Variants in IQGAP2 observed in about 807,000 individuals in gnomAD.
The protein encoded by IQGAP2 is ras GTPase-activating-like protein IQGAP2.
Under a neutral mutation model 201.3 loss-of-function variants are expected in IQGAP2, and 173 were observed. The observed-to-expected ratio is 0.86, with a 90% CI of 0.76 to 0.98. IQGAP2 has a LOEUF of 0.98. Ranked by LOEUF, IQGAP2 falls within the 50% of genes least tolerant of loss-of-function variation. The probability of loss-of-function intolerance (pLI) is 0.00; values close to 1 mark genes in which losing one functional copy is unlikely to be tolerated. For synonymous variants in IQGAP2, 675 were observed against 673.9 expected, an observed-to-expected ratio of 1.00 and a Z score of -0.03; for missense variants, 1,687 against 1,864.8, an observed-to-expected ratio of 0.90 and a Z score of 1.76.
chr5:76,443,994 AT>A (rs1327834597), intron 1 of IQGAP2, among the ~76,000 whole-genome samples: 1 of 152,224 alleles, frequency 6.6e-6, no homozygotes, highest in Non-Finnish European at 1.5e-5. Context: ...CGTCTACCAA[AT>A]TAGAGTGATC....
chr5:76,676,156 CTT>C (rs1165775232), intron 27 of IQGAP2, among the ~76,000 whole-genome samples: 1 of 151,566 alleles, frequency 6.6e-6, no homozygotes, highest in East Asian at 1.9e-4. Flanking sequence ...TTCTCATGAA[CTT>C]TTAACTGCTG....
chr5:76,597,255 A>G lies in IQGAP2; in HGVS notation c.908-184A>G, dbSNP rs368701351. On this transcript the variant is annotated intron_variant, in intron 9 of 35. Transcript: ENST00000274364. ...AGGTTCTTGTAGGCACTAATTCCAAAGATTGGATTAGTTTGAATTACTGAG... is the reference window on the plus strand; with the variant it reads ...AGGTTCTTGTAGGCACTAATTCCAAGGATTGGATTAGTTTGAATTACTGAG... 2.6e-4 allele frequency: 156 copies of G among 604,204 alleles called. No individual in the cohort carries two copies. The African/African-American group carries it at 2.7e-3, about 10-fold the overall frequency. 37.4% of individuals were successfully genotyped at this position (604,204 alleles called of 1,614,324 possible).
At chr5:76,599,675 G>A (rs535556473) in intron 10 of IQGAP2, among the ~76,000 whole-genome samples, 48 of 152,032 alleles carry the variant, frequency 3.2e-4, no homozygotes, top group Admixed American at 5.9e-4. Context: ...TTTTTATTCT[G>A]AAATCAGTTT....
At chr5:76,408,139 C>T (rs1479308955) in intron 1 of IQGAP2, among the ~76,000 whole-genome samples, 7 of 151,280 alleles carry the variant, frequency 4.6e-5, no homozygotes, top group Admixed American at 3.3e-4. Flanking sequence ...CCAGCCTGGG[C>T]GAAAGAGCGA....
intron 9 of IQGAP2, among the ~76,000 whole-genome samples, chr5:76,595,243 C>CTTTTTTTT (rs1180358517): frequency 8.5e-5 from 3 of 35,310 alleles, no homozygotes; most frequent in Admixed American, 3.3e-4. Context: ...CATTTCTTTG[C>CTTTTTTTT]TTTTTTTTTT....
intron 2 of IQGAP2, among the ~76,000 whole-genome samples, chr5:76,484,308 C>G (rs531937096): frequency 3.7e-4 from 57 of 152,274 alleles, no homozygotes; most frequent in African/African-American, 1.3e-3. Flanking sequence ...AAGGAATAAC[C>G]TAGTCCAGCT....
At chr5:76,417,643 C>T (rs975596571) in intron 1 of IQGAP2, among the ~76,000 whole-genome samples, 5 of 151,700 alleles carry the variant, frequency 3.3e-5, no homozygotes, top group Non-Finnish European at 5.9e-5. Flanking sequence ...TTCAGTGGTG[C>T]GATCTTGGCT....
At chr5:76,441,190 GTTAA>G (rs1580196710) in intron 1 of IQGAP2, among the ~76,000 whole-genome samples, 2 of 152,304 alleles carry the variant, frequency 1.3e-5, no homozygotes, top group South Asian at 2.1e-4. Context: ...TTTGTGAGGA[GTTAA>G]TTAGTTAATT....
intron 16 of IQGAP2, among the ~76,000 whole-genome samples, chr5:76,639,441 AG>A (rs1475436536): frequency 2.6e-5 from 4 of 152,212 alleles, no homozygotes; most frequent in African/African-American, 9.6e-5. Context: ...TTAAAAAGTG[AG>A]TAATGCTTCC....
intron 1 of IQGAP2, among the ~76,000 whole-genome samples, chr5:76,407,618 T>A (rs1295332142): frequency 6.6e-6 from 1 of 152,194 alleles, no homozygotes; most frequent in Non-Finnish European, 1.5e-5. Flanking sequence ...TTCAAAAGGA[T>A]CTTTAAGGTC....
chr5:76,592,980 C>G, intron 9 of IQGAP2, 55 bp downstream of exon 9: 1 of 1,202,048 alleles, frequency 8.3e-7, no homozygotes, highest in Non-Finnish European at 1.2e-6. Context: ...ACAGACTTTC[C>G]TTGCCAGAAT....
chr5:76,636,368 A>G (rs575812847), intron 15 of IQGAP2, among the ~76,000 whole-genome samples: 40 of 152,332 alleles, frequency 2.6e-4, no homozygotes, highest in African/African-American at 3.4e-4. Flanking sequence ...GACCAATCTA[A>G]GTCATGACTA....
At position 76,693,408 on chromosome 5, in the gene IQGAP2, CAG is replaced by C; in HGVS notation, c.3961_3962del (p.Glu1321AsnfsTer35). The stretch of plus-strand genomic sequence containing the variant: ...CGGAACCAGCCAGGGAACACATTGA[CAG>C]AAATCTTAGAGACACCAGCAACTGC... On this transcript the variant is annotated frameshift_variant, in exon 31 of 36. Transcript: ENST00000274364. LOFTEE classifies it high-confidence loss of function. 1 of 1,613,720 alleles carries C rather than the reference CAG, an allele frequency of 6.2e-7. No individual in the cohort carries two copies. Among genetic ancestry groups the C allele is most frequent in the Non-Finnish European group, 8.5e-7 (1 of 1,179,698 alleles).
intron 21 of IQGAP2, among the ~76,000 whole-genome samples, chr5:76,663,691 C>T (rs1743473444): frequency 1.6e-5 from 2 of 127,778 alleles, no homozygotes; most frequent in South Asian, 6.0e-4. Context: ...TGAGCCACCA[C>T]ACCTGGCTTA....
chr5:76,617,716 T>TGTA (rs916063895), intron 13 of IQGAP2: 11 of 1,614,080 alleles, frequency 6.8e-6, no homozygotes, highest in Non-Finnish European at 9.3e-6. Flanking sequence ...TCAGTGTTGT[T>TGTA]GTAGTAGTAG....
chr5:76,407,724 G>A (rs1000290747), intron 1 of IQGAP2, among the ~76,000 whole-genome samples: 2 of 152,136 alleles, frequency 1.3e-5, no homozygotes, highest in African/African-American at 2.4e-5. Flanking sequence ...TTGTAATACC[G>A]AGTTTGTTTT....
At position 76,654,150 on chromosome 5, in the gene IQGAP2, CT is replaced by C. The variant is rs759682985; in HGVS notation, c.2179-46del. ...ACGGGTTGTTTGGTGATTACTTTGA[CT>C]TTTCTCTTTATTTTTTGTTGTACTT... is the stretch of plus-strand genomic sequence containing the variant. On this transcript the variant is annotated intron_variant, in intron 18 of 35. Coordinates refer to ENST00000274364, the MANE Select transcript of IQGAP2 (RefSeq NM_006633.5). The C allele has an allele frequency of 4.6e-6, 6 of 1,311,898 alleles. No homozygotes were observed. In the Admixed American group the frequency reaches 5.6e-5, roughly 12 times the overall value. The allele number at this position is 1,311,898 out of a possible 1,614,324, so 81.3% of individuals were successfully genotyped here. A position where few individuals can be genotyped will look rare whatever the true frequency, so the allele number is the denominator to read the frequency against.
chr5:76,632,813 G>GA (rs1750816715), intron 15 of IQGAP2, among the ~76,000 whole-genome samples: 3 of 91,898 alleles, frequency 3.3e-5, no homozygotes. Flanking sequence ...TAGAGCTTAA[G>GA]GAAAAAAAAA....
chr5:76,423,492 G>T (rs1176027355), intron 1 of IQGAP2, among the ~76,000 whole-genome samples: 2 of 152,166 alleles, frequency 1.3e-5, no homozygotes, highest in Non-Finnish European at 2.9e-5. Context: ...ACAGTGGCGG[G>T]AGCCTGTAAT....
Sources: allele counts gnomAD v4.1 joint callset (sites outside exome capture counted in the v4.1 genomes callset), GRCh38; gene constraint gnomAD v4.1.1; transcripts MANE v1.5; gene names NCBI Gene and HGNC (gene_info 2026-07-23, HGNC 2026-07-21).